Variants in KRT86 observed in about 807,000 individuals in gnomAD.
KRT86 encodes keratin, type II cuticular Hb6.
In KRT86, 30 loss-of-function variants were observed where a neutral mutation model predicts 41.2. The ratio of observed to expected loss-of-function variants is 0.73; its 90% CI spans 0.54 to 0.99. KRT86 has a LOEUF of 0.99. Among genes scored for constraint, KRT86 ranks in the 50% least tolerant of loss-of-function variants. KRT86 has a pLI of 0.00. For missense variants in KRT86, 561 were observed against 571.4 expected (o/e 0.98, Z 0.19); for synonymous variants, 238 against 238.1 (o/e 1.00, Z 0.00).
Position 52,275,928 on chromosome 12 carries a change from G to A in KRT86, c.-23G>A. 1.0e-6 allele frequency: 1 copy of A among 986,002 alleles called. No individual in the cohort carries two copies. The highest frequency in any genetic ancestry group is 1.2e-6 in the Non-Finnish European group (1 of 830,012). The allele number at this position is 986,002 out of a possible 1,614,324, so 61.1% of individuals were successfully genotyped here. ...CCATCCAGTGGCTGACGGTGGAGGT[G>A]GGCAGTGCTGAGAGTCAGGTGAGAG... On this transcript the variant is annotated 5_prime_UTR_variant, in exon 2 of 11. Coordinates refer to ENST00000423955, the MANE Select transcript of KRT86 (RefSeq NM_001320198.2).
chr12:52,305,840 C>A, intron 8 of KRT86, 52 bp downstream of exon 8: 3 of 1,613,806 alleles, frequency 1.9e-6, no homozygotes, highest in South Asian at 2.2e-5. Flanking sequence ...TAACCATGGT[C>A]ACACAGCCTA....
intron 2 of KRT86, chr12:52,287,463 G>A: frequency 6.3e-7 from 1 of 1,581,724 alleles, no homozygotes; most frequent in East Asian, 2.3e-5. Context: ...CTCATTGAGA[G>A]ACCACGACCA....
At chr12:52,288,544 G>A in intron 2 of KRT86, 1 of 1,484,140 alleles carries the variant, frequency 6.7e-7, no homozygotes, top group Non-Finnish European at 9.4e-7. Flanking sequence ...CATGTAGCCA[G>A]GGGAAAGCAG....
At chr12:52,283,048 ACCTGGACTCC>A (rs1464246307) in intron 2 of KRT86, among the ~76,000 whole-genome samples, 1 of 152,104 alleles carries the variant, frequency 6.6e-6, no homozygotes, top group East Asian at 1.9e-4. Flanking sequence ...GTTGCATGAA[ACCTGGACTCC>A]CCATTTCCCT....
intron 2 of KRT86, among the ~76,000 whole-genome samples, chr12:52,297,860 G>A (rs1938285424): frequency 6.6e-6 from 1 of 152,134 alleles, no homozygotes; most frequent in Admixed American, 6.5e-5. Flanking sequence ...GCCTTCTCTT[G>A]CTCTCATTGG....
chr12:52,286,222 G>C (rs763763828), intron 2 of KRT86: 1 of 1,534,854 alleles, frequency 6.5e-7, no homozygotes, highest in Non-Finnish European at 8.8e-7. Context: ...GGGCAGGAAA[G>C]ATGCCTGGGG....
At chr12:52,285,617 G>A (rs562974008) in intron 2 of KRT86, among the ~76,000 whole-genome samples, 1 of 152,228 alleles carries the variant, frequency 6.6e-6, no homozygotes, top group South Asian at 2.1e-4. Flanking sequence ...ACACACACAG[G>A]GCTTAAACCC....
intron 2 of KRT86, among the ~76,000 whole-genome samples, chr12:52,298,287 C>CT (rs1289937015): frequency 6.6e-6 from 1 of 152,214 alleles, no homozygotes; most frequent in Non-Finnish European, 1.5e-5. Flanking sequence ...TTCTCAGATC[C>CT]TCTGCCCCTT....
chr12:52,305,095 G>A, intron 6 of KRT86, 68 bp downstream of exon 6: 1 of 1,608,884 alleles, frequency 6.2e-7, no homozygotes, highest in Non-Finnish European at 8.5e-7. Context: ...TGGGAGTGTT[G>A]GACAGGATGT....
At chr12:52,307,663 C>G (rs980997601) in intron 9 of KRT86, among the ~76,000 whole-genome samples, 1 of 152,188 alleles carries the variant, frequency 6.6e-6, no homozygotes, top group Non-Finnish European at 1.5e-5. Flanking sequence ...GGTGGGCAGT[C>G]TCTGAGCCTG....
chr12:52,287,468 C>T lies in KRT86; in HGVS notation c.-5+11522C>T, dbSNP rs749032157. 508 of 1,583,166 alleles carry T rather than the reference C, an allele frequency of 3.2e-4. 1 individual carries two copies. Among genetic ancestry groups the T allele is most frequent in the Non-Finnish European group, 4.1e-4 (479 of 1,160,942 alleles). On this transcript the variant is annotated intron_variant, in intron 2 of 10. Transcript: ENST00000423955. ...TCACCTGGGACTCATTGAGAGACCA[C>T]GACCAGGGACTCTACATGGACAAAG...
Position 52,302,051 on chromosome 12 carries a change from C to T in KRT86, c.135C>T (p.Phe45=), listed in dbSNP as rs778531514. 15 of 1,606,836 alleles carry T rather than the reference C, an allele frequency of 9.3e-6. No homozygotes were observed. The highest frequency in any genetic ancestry group is 1.3e-5 in the African/African-American group (1 of 74,564). Residue 45 remains phenylalanine, a synonymous_variant, in exon 3 of 11, where the codon TTC becomes TTT. Coordinates refer to ENST00000423955, the MANE Select transcript of KRT86 (RefSeq NM_001320198.2). ...GCTACCGCGGCCTCACCGGGGGCTTCGGCAGCCACAGCGTGTGCGGAGGCT... is the reference window on the plus strand; with the variant it reads ...GCTACCGCGGCCTCACCGGGGGCTTTGGCAGCCACAGCGTGTGCGGAGGCT... ...ISCYRGLTGG[F]GSHSVCGGFR... is the part of the protein sequence containing the mutation.
intron 8 of KRT86, 63 bp from the exon 9 acceptor site, chr12:52,305,997 T>C: frequency 3.1e-6 from 5 of 1,600,740 alleles, no homozygotes; most frequent in Non-Finnish European, 4.3e-6. Context: ...CATGGTCTCA[T>C]CGAGGTAAGC....
intron 2 of KRT86, among the ~76,000 whole-genome samples, chr12:52,301,172 G>T (rs1286071239): frequency 6.6e-6 from 1 of 151,756 alleles, no homozygotes; most frequent in Non-Finnish European, 1.5e-5. Flanking sequence ...AGAGAGGGGG[G>T]GTTGTGAGTA....
In KRT86 at chr12:52,308,830, T is replaced by A; in HGVS notation, c.*245T>A. The A allele has an allele frequency of 1.8e-6, 1 of 559,812 alleles. No homozygotes were observed. Among genetic ancestry groups the A allele is most frequent in the Non-Finnish European group, 3.2e-6 (1 of 315,012 alleles). The allele number at this position is 559,812 out of a possible 1,614,324, so 34.7% of individuals were successfully genotyped here. Reference sequence around the variant, plus strand: ...GTAGTCAATTTGTTGTCCCGAGGATTCATCTTTTTCTTCCGCCTGCCTTCT... The same window carrying A: ...GTAGTCAATTTGTTGTCCCGAGGATACATCTTTTTCTTCCGCCTGCCTTCT... On this transcript the variant is annotated 3_prime_UTR_variant, in exon 11 of 11. Coordinates refer to ENST00000423955, the MANE Select transcript of KRT86 (RefSeq NM_001320198.2).
Position 52,287,702 on chromosome 12 carries a change from G to A in KRT86, c.-5+11756G>A, listed in dbSNP as rs954184335. On this transcript the variant is annotated intron_variant, in intron 2 of 10. Coordinates refer to ENST00000423955, the MANE Select transcript of KRT86 (RefSeq NM_001320198.2). ...CAGGGTCTCCCCGTGCCTGATCACC[G>A]TGGCCTTCATCTCCTCACACTGGGG... The A allele has an allele frequency of 3.1e-6, 5 of 1,613,892 alleles. No homozygotes were observed. The highest frequency in any genetic ancestry group is 1.3e-5 in the African/African-American group (1 of 74,878).
At position 52,301,973 on chromosome 12, in the gene KRT86, GC is replaced by G; in HGVS notation, c.61del (p.Arg21GlyfsTer82). On this transcript the variant is annotated frameshift_variant, in exon 3 of 11. Transcript: ENST00000423955. LOFTEE classifies it high-confidence loss of function. ...CCTTCAGCTGCATCTCGGCCTGCGG[GC>G]CCCGGCCCGGCCGCTGCTGCATCAC... ...RAFSCISACG[P>X]RPGRCCITAA... The G allele has an allele frequency of 1.2e-6, 2 of 1,613,510 alleles. No homozygotes were observed. Among genetic ancestry groups the G allele is most frequent in the Non-Finnish European group, 1.7e-6 (2 of 1,179,756 alleles).
intron 2 of KRT86, among the ~76,000 whole-genome samples, chr12:52,294,762 C>G (rs1014651752): frequency 6.6e-6 from 1 of 152,182 alleles, no homozygotes; most frequent in East Asian, 1.9e-4. Context: ...GGTGACTCCT[C>G]TCTTGCATTT....
At chr12:52,278,038 T>A (rs1360447158) in intron 2 of KRT86, among the ~76,000 whole-genome samples, 1 of 152,000 alleles carries the variant, frequency 6.6e-6, no homozygotes, top group Non-Finnish European at 1.5e-5. Flanking sequence ...GGGAATAAGG[T>A]CTCTGTGTGA....
Sources: gnomAD v4.1 joint callset for allele counts (sites outside exome capture counted in the v4.1 genomes callset) on GRCh38, gnomAD v4.1.1 for gene constraint, MANE v1.5 for transcripts, NCBI Gene and HGNC (gene_info 2026-07-23, HGNC 2026-07-21) for gene names.